Variants in FBRS observed in about 807,000 individuals in gnomAD.
The protein encoded by FBRS is probable fibrosin-1.
Under a neutral mutation model 86.1 loss-of-function variants are expected in FBRS, and 15 were observed. The ratio of observed to expected loss-of-function variants is 0.17; its 90% confidence interval spans 0.12 to 0.27. The LOEUF (loss-of-function observed/expected upper bound fraction) is 0.27, where lower values mean the gene tolerates loss of function less well. FBRS is among the 10% of genes least tolerant of loss of function. FBRS has a pLI of 1.00. For synonymous variants in FBRS, 666 were observed against 575.8 expected, an observed-to-expected ratio of 1.16 and a Z score of -2.24; for missense variants, 1,367 against 1,301.6, an observed-to-expected ratio of 1.05 and a Z score of -0.77.
At chr16:30,666,360 T>G in intron 11 of FBRS, 152 bp from the exon 12 acceptor site, 1 of 874,806 alleles carries the variant, frequency 1.1e-6, no homozygotes, top group Non-Finnish European at 1.8e-6. Context: ...CTGGGAGAGA[T>G]GGGGAAAGGA....
At chr16:30,664,154 C>T (rs1358640854) in intron 6 of FBRS, 61 bp from the exon 7 acceptor site, 3 of 1,291,098 alleles carry the variant, frequency 2.3e-6, no homozygotes, top group Non-Finnish European at 3.0e-6. Flanking sequence ...GGCTTCTGAC[C>T]CCCTCCCGTC....
At chr16:30,666,434 G>A in intron 11 of FBRS, 78 bp from the exon 12 acceptor site, 5 of 1,576,562 alleles carry the variant, frequency 3.2e-6, no homozygotes, top group Non-Finnish European at 4.4e-6. Flanking sequence ...GGGGGTGAGT[G>A]GATGCTGTGG....
chr16:30,661,185 C>T lies in FBRS; in HGVS notation c.645C>T (p.Ser215=), dbSNP rs1024748522. The stretch of plus-strand genomic sequence containing the variant: ...TGGACTCTGGTCTTCCTCAGGCGTC[C>T]TCCCGTCACTCTCTGGAAGCTGGAT... ...WPNKRRRKEA[S]SRHSLEAGYI... Residue 215 remains serine, a synonymous_variant, in exon 3 of 18, where the codon TCC becomes TCT. Coordinates refer to ENST00000356166, the MANE Select transcript of FBRS (RefSeq NM_001105079.3). 2.2e-5 allele frequency: 34 copies of T among 1,550,462 alleles called. No individual in the cohort carries two copies. Among genetic ancestry groups the T allele is most frequent in the Non-Finnish European group, 2.7e-5 (31 of 1,147,006 alleles).
chr16:30,667,268 G>T, intron 13 of FBRS, 52 bp from the exon 14 acceptor site: 1 of 1,383,782 alleles, frequency 7.2e-7, no homozygotes, highest in South Asian at 1.3e-5. Flanking sequence ...AGAGCAAGAG[G>T]GGGACCAGAC....
At chr16:30,666,455 C>G in intron 11 of FBRS, 57 bp from the exon 12 acceptor site, 1 of 1,610,760 alleles carries the variant, frequency 6.2e-7, no homozygotes, top group Non-Finnish European at 8.5e-7. Context: ...AGATGCGAGG[C>G]GCCTGGCCCA....
chr16:30,664,892 G>T lies in FBRS; in HGVS notation c.1535G>T (p.Gly512Val). 1 of 1,610,040 alleles carries T rather than the reference G, an allele frequency of 6.2e-7. No homozygotes were observed. The highest frequency in any genetic ancestry group is 8.5e-7 in the Non-Finnish European group (1 of 1,178,184). Residue 512 changes from glycine (G) to valine (V), a missense_variant, in exon 8 of 18, where the codon GGC becomes GTC. Gly to Val is a moderately radical substitution (Grantham distance 109). This residue lies in a region of FBRS where 659 missense variants were observed against 678.8 expected (regional missense o/e 0.97). Coordinates refer to ENST00000356166, the MANE Select transcript of FBRS (RefSeq NM_001105079.3). The part of the protein sequence containing the change: ...THQHFTPYPP[G>V]LLPPHGPHMF... The stretch of plus-strand genomic sequence containing the variant: ...CAGCACTTCACCCCTTATCCCCCGG[G>T]CCTGCTGCCACCCCACGGCCCCCAC...
At chr16:30,663,014 T>C (rs2052479962) in intron 6 of FBRS, 155 bp downstream of exon 6, 6 of 1,242,354 alleles carry the variant, frequency 4.8e-6, no homozygotes, top group East Asian at 3.1e-5. Context: ...GCAGGACTTA[T>C]TTGAGTCCGT....
At chr16:30,666,472 G>A (rs750305798) in intron 11 of FBRS, 40 bp from the exon 12 acceptor site, 48 of 1,613,860 alleles carry the variant, frequency 3.0e-5, no homozygotes, top group Non-Finnish European at 3.6e-5. Context: ...CCCAGGACTC[G>A]GGTCTGAGTC....
chr16:30,662,416 C>T lies in FBRS; in HGVS notation c.706-4C>T. 3 of 1,550,554 alleles carry T rather than the reference C, an allele frequency of 1.9e-6. No homozygotes were observed. The highest frequency in any genetic ancestry group is 2.6e-6 in the Non-Finnish European group (3 of 1,147,014). The stretch of plus-strand genomic sequence containing the variant: ...TAACTCTATCCCTTGCCCTTCTTCC[C>T]CAGGTCTCCGATGATGACCTCGACC... On this transcript the variant is annotated splice_region_variant and splice_polypyrimidine_tract_variant and intron_variant, in intron 4 of 17. Transcript: ENST00000356166.
chr16:30,666,565 C>A, intron 12 of FBRS, 24 bp downstream of exon 12: 1 of 1,613,986 alleles, frequency 6.2e-7, no homozygotes, highest in Non-Finnish European at 8.5e-7. Flanking sequence ...GGACCTCAGG[C>A]TGCATGAGGC....
chr16:30,662,771 C>T lies in FBRS; in HGVS notation c.967C>T (p.Pro323Ser). The T allele has an allele frequency of 2.0e-6, 3 of 1,509,622 alleles. No homozygotes were observed. Among genetic ancestry groups the T allele is most frequent in the Non-Finnish European group, 2.7e-6 (3 of 1,124,012 alleles). 93.5% of individuals were successfully genotyped at this position (1,509,622 alleles called of 1,614,324 possible). The change falls in exon 6 of 18, where the codon CCA becomes TCA. Residue 323 changes from proline (P) to serine (S), a missense_variant. Physicochemically the swap from Pro to Ser is moderately conservative, Grantham distance 74. Around this residue, in one of 3 missense-constraint regions of FBRS, gnomAD observed 702 missense variants for 598.7 expected, o/e 1.17. Coordinates refer to ENST00000356166, the MANE Select transcript of FBRS (RefSeq NM_001105079.3). Reference protein sequence around the residue: ...PLPATPSLPPPPQPQLQLRVS... With the variant: ...PLPATPSLPPSPQPQLQLRVS... ...GCCGGCCACTCCCAGTCTGCCACCC[C>T]CACCCCAGCCCCAGCTGCAGCTTCG...
Position 30,660,387 on chromosome 16 carries a change from G to T in FBRS, c.584G>T (p.Gly195Val), listed in dbSNP as rs778185156. 482 of 1,263,532 alleles carry T rather than the reference G, an allele frequency of 3.8e-4. No individual in the cohort carries two copies. Among genetic ancestry groups the T allele is most frequent in the Non-Finnish European group, 4.4e-4 (441 of 995,108 alleles). The allele number at this position is 1,263,532 out of a possible 1,614,324, so 78.3% of individuals were successfully genotyped here. A position where few individuals can be genotyped will look rare whatever the true frequency, so the allele number is the denominator to read the frequency against. ...GGGGACAGCTCTGATCGAGAGCCTG[G>T]CCGGCCCCCTGGGGATCGGGCCCGA... The part of the protein sequence containing the change: ...EPGDSSDREP[G>V]RPPGDRARKW... Residue 195 changes from glycine to valine, a missense_variant, in exon 2 of 18, where the codon GGC (glycine) becomes GTC (valine). Gly to Val is a moderately radical substitution (Grantham distance 109). Transcript: ENST00000356166.
At chr16:30,661,240 C>A (rs759486836) in intron 3 of FBRS, 25 bp downstream of exon 3, 2 of 1,550,762 alleles carry the variant, frequency 1.3e-6, no homozygotes, top group African/African-American at 2.7e-5. Flanking sequence ...CCTGTCCTGG[C>A]CCCTCCCTGC....
At chr16:30,660,533 ACC>A in intron 2 of FBRS, 91 bp downstream of exon 2, 1 of 1,254,800 alleles carries the variant, frequency 8.0e-7, no homozygotes, top group East Asian at 3.1e-5. Context: ...GTAAACAGAG[ACC>A]CCAGTTTCTA....
chr16:30,666,412 C>A, intron 11 of FBRS, 100 bp from the exon 12 acceptor site: 1 of 1,476,998 alleles, frequency 6.8e-7, no homozygotes, highest in Non-Finnish European at 9.5e-7. Flanking sequence ...GTCCCAGTGT[C>A]TCAGGCATGT....
At chr16:30,666,753 G>A (rs993344582) in intron 12 of FBRS, among the ~76,000 whole-genome samples, 166 bp from the exon 13 acceptor site, 5 of 152,190 alleles carry the variant, frequency 3.3e-5, no homozygotes, top group African/African-American at 1.2e-4. Context: ...ATCTCTCTGA[G>A]CCTCAGTTTC....
chr16:30,669,210 CGCT>C lies in FBRS; in HGVS notation c.2517_2519del (p.Ala849del), dbSNP rs560230816. On this transcript the variant is annotated inframe_deletion, in exon 18 of 18. Coordinates refer to ENST00000356166, the MANE Select transcript of FBRS (RefSeq NM_001105079.3). This position sits in a 1 kb window ranked among gnomAD's most constrained non-coding sequence, Gnocchi z 5.9. The stretch of plus-strand genomic sequence containing the variant: ...AGGAGGAGGCTGCCGCCGCCGCTGC[CGCT>C]GCTGCTGCCGCCGCCGCTGCCGCCG... 6 of 1,544,674 alleles carry C rather than the reference CGCT, an allele frequency of 3.9e-6. No homozygotes were observed. Among genetic ancestry groups the C allele is most frequent in the South Asian group, 1.2e-5 (1 of 84,120 alleles).
chr16:30,661,388 A>G (rs1840198438), intron 4 of FBRS, 55 bp downstream of exon 4: 1 of 1,550,478 alleles, frequency 6.4e-7, no homozygotes, highest in Admixed American at 2.0e-5. Flanking sequence ...AAGGGACTGC[A>G]GCATAAAGGT....
At position 30,662,865 on chromosome 16, in the gene FBRS, T is replaced by C. The variant is rs996747720; in HGVS notation, c.1055+6T>C. 4.2e-6 allele frequency: 6 copies of C among 1,443,850 alleles called. No individual in the cohort carries two copies. Among genetic ancestry groups the C allele is most frequent in the Non-Finnish European group, 4.6e-6 (5 of 1,094,504 alleles). The allele number at this position is 1,443,850 out of a possible 1,614,324, so 89.4% of individuals were successfully genotyped here. A position where few individuals can be genotyped will look rare whatever the true frequency, so the allele number is the denominator to read the frequency against. On this transcript the variant is annotated splice_donor_region_variant and intron_variant, in intron 6 of 17. Coordinates refer to ENST00000356166, the MANE Select transcript of FBRS (RefSeq NM_001105079.3). ...CTGGACCTCAGCACTGGCAGGTGAGTGGTCTTGGGGGATTGATGCGGTCCG... is the reference window on the plus strand; with the variant it reads ...CTGGACCTCAGCACTGGCAGGTGAGCGGTCTTGGGGGATTGATGCGGTCCG...
Sources: allele counts gnomAD v4.1 joint callset (sites outside exome capture counted in the v4.1 genomes callset), GRCh38; gene constraint gnomAD v4.1.1; regional missense constraint gnomAD v4.1.1; non-coding constraint Gnocchi (gnomAD v3.1); transcripts MANE v1.5; gene names NCBI Gene and HGNC (gene_info 2026-07-23, HGNC 2026-07-21).